The following INTS3 variants were observed in gnomAD, a reference collection of about 807,000 sequenced individuals.
INTS3 encodes integrator complex subunit 3, also known as SOSS complex subunit A.
INTS3 carries 34 observed loss-of-function variants against 146.3 expected under a neutral mutation model. The observed-to-expected ratio is 0.23, with a 90% CI of 0.18 to 0.31. INTS3 has a LOEUF of 0.31. Among genes scored for constraint, INTS3 ranks in the 10% least tolerant of loss-of-function variants. The pLI, the probability that INTS3 is intolerant of heterozygous loss-of-function variation, is 1.00. For missense variants in INTS3, 757 were observed against 1,304.2 expected (o/e 0.58, Z 6.46); for synonymous variants, 475 against 494.9 (o/e 0.96, Z 0.53).
At chr1:153,766,329 G>C (rs1448874290) in intron 20 of INTS3, 2 of 151,560 alleles carry the variant, frequency 1.3e-5, no homozygotes, top group African/African-American at 2.4e-5. Context: ...ATGGATTCTT[G>C]CTCTGTCACC....
At chr1:153,768,544 T>G (rs1414192125) in intron 21 of INTS3, among the ~76,000 whole-genome samples, 1 of 152,194 alleles carries the variant, frequency 6.6e-6, no homozygotes, top group East Asian at 1.9e-4. Flanking sequence ...ATGCAAATAT[T>G]TATTCTACCA....
intron 1 of INTS3, among the ~76,000 whole-genome samples, chr1:153,729,586 G>A (rs1462305567): frequency 1.3e-5 from 2 of 152,174 alleles, no homozygotes; most frequent in Admixed American, 6.5e-5. Flanking sequence ...ATGAGATCTA[G>A]GCTGGGTGCG....
chr1:153,737,233 A>G, intron 1 of INTS3, among the ~76,000 whole-genome samples: 1 of 152,198 alleles, frequency 6.6e-6, no homozygotes, highest in East Asian at 1.9e-4. Flanking sequence ...ATCACTGGAA[A>G]TTGGTTTTTC....
rs542483679 is a variant in INTS3 at position 153,766,115 on chromosome 1, CTT to C, written c.2090+1075_2090+1076del. The stretch of plus-strand genomic sequence containing the variant: ...TTTTGTGACTTGCTTTTTTCTTTCT[CTT>C]TTTTTTTTTTTTTTTTTTTTTTGAG... On this transcript the variant is annotated intron_variant, in intron 20 of 29. Coordinates refer to ENST00000318967, the MANE Select transcript of INTS3 (RefSeq NM_023015.5). Among the ~76,000 whole-genome samples the C allele has an allele frequency of 1.6e-3, 132 of 84,610 alleles. No individual in the cohort carries two copies. In the East Asian group the frequency reaches 0.034, roughly 22 times the overall value. 55.5% of individuals were successfully genotyped at this position (84,610 alleles called of 152,430 possible).
In INTS3 at chr1:153,731,270, G is replaced by T. The variant is rs1228881761; in HGVS notation, c.150+2486G>T. ...GGTGTGATTAGGAAAGACCTTTAGA[G>T]ATTTGGAGTAGGAAGCACTGGTCAA... On this transcript the variant is annotated intron_variant, in intron 1 of 29. Transcript: ENST00000318967. Among the ~76,000 whole-genome samples, 4 of 152,164 alleles carry T rather than the reference G, an allele frequency of 2.6e-5. No homozygotes were observed. The East Asian group carries it at 7.7e-4, about 29-fold the overall frequency.
Position 153,741,351 on chromosome 1 carries a change from C to T in INTS3, c.301C>T (p.Pro101Ser). Residue 101 changes from proline (P) to serine (S), a missense_variant, in exon 3 of 30, where the codon CCT (proline) becomes TCT (serine). By Grantham distance (74) the Pro-to-Ser change is moderately conservative. This residue lies in a region of INTS3 where 160 missense variants were observed against 193.7 expected (regional missense o/e 0.83). Coordinates refer to ENST00000318967, the MANE Select transcript of INTS3 (RefSeq NM_023015.5). ...CCTGTTTACTCTCATCCTCACTGAA[C>T]CTGCCCAAGCCCAGAAGGTAAGGCA... Reference protein sequence around the residue: ...LGLFTLILTEPAQAQKCYRDL... With the variant: ...LGLFTLILTESAQAQKCYRDL... 3.1e-6 allele frequency: 5 copies of T among 1,613,690 alleles called. No individual in the cohort carries two copies. The highest frequency in any genetic ancestry group is 4.2e-6 in the Non-Finnish European group (5 of 1,179,620).
In INTS3 at chr1:153,768,580, A is replaced by G. The variant is rs12066156; in HGVS notation, c.2245-313A>G. Among the ~76,000 whole-genome samples, 489 of 152,312 alleles carry G rather than the reference A, an allele frequency of 3.2e-3. 3 individuals carry two copies. Among genetic ancestry groups the G allele is most frequent in the African/African-American group, 0.011 (469 of 41,564 alleles). On this transcript the variant is annotated intron_variant, in intron 21 of 29. Transcript: ENST00000318967. ...CTGCTCCCACACAGAATCAGCCACC[A>G]TGGCCAGTCCTCTCAGCTCTGGCTT... is the stretch of plus-strand genomic sequence containing the variant.
In INTS3 at chr1:153,771,376, T is replaced by C. The variant is rs191049161; in HGVS notation, c.2553-420T>C. On this transcript the variant is annotated intron_variant, in intron 25 of 29. Coordinates refer to ENST00000318967, the MANE Select transcript of INTS3 (RefSeq NM_023015.5). ...GAGGAAGTGGGAAGCTTGGAGGCTGTATGGGGCTGTGACTTCACAACCCTC... is the reference window on the plus strand; with the variant it reads ...GAGGAAGTGGGAAGCTTGGAGGCTGCATGGGGCTGTGACTTCACAACCCTC... Among the ~76,000 whole-genome samples, 8 of 152,304 alleles carry C rather than the reference T, an allele frequency of 5.3e-5. 1 individual carries two copies. The highest frequency in any genetic ancestry group is 3.4e-3 in the Middle Eastern group (1 of 294).
At chr1:153,764,036 G>T in intron 17 of INTS3, 82 bp from the exon 18 acceptor site, 1 of 1,330,672 alleles carries the variant, frequency 7.5e-7, no homozygotes, top group Non-Finnish European at 1.1e-6. Context: ...GGTGGAAGCA[G>T]ATGAGTTCCA....
intron 2 of INTS3, among the ~76,000 whole-genome samples, 177 bp downstream of exon 2, chr1:153,740,911 C>T (rs571051540): frequency 6.6e-6 from 1 of 152,212 alleles, no homozygotes; most frequent in Non-Finnish European, 1.5e-5. Flanking sequence ...TCTCTTGGAG[C>T]CTTGGGCATC....
At position 153,772,762 on chromosome 1, in the gene INTS3, A is replaced by G; in HGVS notation, c.2894+51A>G. ...TGGAAAGTAGTAGGGGAAAAGCCTA[A>G]GGGAGAGGAAGCCTGCTAGGGACAT... On this transcript the variant is annotated intron_variant, in intron 28 of 29. Coordinates refer to ENST00000318967, the MANE Select transcript of INTS3 (RefSeq NM_023015.5). This position sits in a 1 kb window ranked among gnomAD's most constrained non-coding sequence, Gnocchi z 4.6. The G allele has an allele frequency of 6.2e-7, 1 of 1,600,078 alleles. No homozygotes were observed. Among genetic ancestry groups the G allele is most frequent in the Non-Finnish European group, 8.5e-7 (1 of 1,172,716 alleles).
At chr1:153,734,265 C>G (rs760379223) in intron 1 of INTS3, among the ~76,000 whole-genome samples, 1 of 152,160 alleles carries the variant, frequency 6.6e-6, no homozygotes, top group South Asian at 2.1e-4. Flanking sequence ...AAAAGCGTTG[C>G]TATTACTTGA....
At chr1:153,746,917 CCTCAGCTTGCTGGCTG>C (rs1557995446) in intron 3 of INTS3, 24 bp from the exon 4 acceptor site, 17 of 1,406,988 alleles carry the variant, frequency 1.2e-5, no homozygotes, top group Non-Finnish European at 1.5e-5. Flanking sequence ...AGGACCTTAT[CCTCAGCTTGCTGGCTG>C]ATCACAAACT....
intron 11 of INTS3, chr1:153,759,965 T>A: frequency 2.0e-6 from 1 of 488,544 alleles, no homozygotes; most frequent in Non-Finnish European, 3.6e-6. Context: ...ACAAGCTGTT[T>A]CGGGGCCTGT....
chr1:153,769,020 G>A lies in INTS3; in HGVS notation c.2313+59G>A, dbSNP rs1484250615. 8.1e-6 allele frequency: 11 copies of A among 1,355,000 alleles called. No individual in the cohort carries two copies. In the South Asian group the frequency reaches 9.4e-5, roughly 12 times the overall value. The allele number at this position is 1,355,000 out of a possible 1,614,324, so 83.9% of individuals were successfully genotyped here. On this transcript the variant is annotated intron_variant, in intron 22 of 29. Transcript: ENST00000318967. ...TGGGAGGCAGCATTAGGGACATAGGGCCTCTGCTCTCCCTCCAGGCCTGCA... is the reference window on the plus strand; with the variant it reads ...TGGGAGGCAGCATTAGGGACATAGGACCTCTGCTCTCCCTCCAGGCCTGCA...
At position 153,756,750 on chromosome 1, in the gene INTS3, A is replaced by T. The variant is rs558481991; in HGVS notation, c.958-822A>T. On this transcript the variant is annotated intron_variant, in intron 9 of 29. Coordinates refer to ENST00000318967, the MANE Select transcript of INTS3 (RefSeq NM_023015.5). ...AGAATCGCTTGAACCTGGGAGACAG[A>T]GGTCGTAGTGAACTGAGATTGCACC... is the stretch of plus-strand genomic sequence containing the variant. 5.9e-5 allele frequency among the ~76,000 whole-genome samples: 9 copies of T among 152,252 alleles called. No homozygotes were observed. The East Asian group carries it at 1.6e-3, about 26-fold the overall frequency.
At chr1:153,744,229 G>A (rs1197205116) in intron 3 of INTS3, among the ~76,000 whole-genome samples, 1 of 152,176 alleles carries the variant, frequency 6.6e-6, no homozygotes, top group African/African-American at 2.4e-5. Flanking sequence ...ATGGAACTAG[G>A]CAGACAGTAT....
intron 1 of INTS3, among the ~76,000 whole-genome samples, chr1:153,732,066 GC>G (rs1363411886): frequency 1.3e-5 from 2 of 151,202 alleles, no homozygotes; most frequent in Admixed American, 1.3e-4. Flanking sequence ...ACCACTCCTG[GC>G]TAATTTTTGT....
chr1:153,728,456 C>CA lies in INTS3; in HGVS notation c.-179_-178insA. The CA allele has an allele frequency of 1.4e-6, 1 of 690,108 alleles. No individual in the cohort carries two copies. The allele number at this position is 690,108 out of a possible 1,614,324, so 42.7% of individuals were successfully genotyped here. A position where few individuals can be genotyped will look rare whatever the true frequency, so the allele number is the denominator to read the frequency against. Reference sequence around the variant, plus strand: ...CAGGACCCAGAGGACTGTGCCTTCGCCCCCAACGCAGGCGCGGCCTTTTGG... The same window carrying CA: ...CAGGACCCAGAGGACTGTGCCTTCGCACCCCAACGCAGGCGCGGCCTTTTGG... On this transcript the variant is annotated 5_prime_UTR_variant, in exon 1 of 30. Transcript: ENST00000318967.
Sources: gnomAD v4.1 joint callset for allele counts (sites outside exome capture counted in the v4.1 genomes callset) on GRCh38, gnomAD v4.1.1 for gene constraint, gnomAD v4.1.1 regional missense constraint, Gnocchi (gnomAD v3.1) non-coding constraint, MANE v1.5 for transcripts, NCBI Gene and HGNC (gene_info 2026-07-23, HGNC 2026-07-21) for gene names.